The following TIMM23 variants were observed in gnomAD, a reference collection of about 807,000 sequenced individuals.
TIMM23 encodes translocase of inner mitochondrial membrane 23.
TIMM23 carries 19 observed loss-of-function variants against 30.7 expected under a neutral mutation model. The ratio of observed to expected loss-of-function variants is 0.62; its 90% confidence interval spans 0.43 to 0.91. The LOEUF (loss-of-function observed/expected upper bound fraction) is 0.91. Among genes scored for constraint, TIMM23 ranks in the 40% least tolerant of loss-of-function variants. TIMM23 has a pLI of 0.00. For synonymous variants in TIMM23, 78 were observed against 98.5 expected (o/e 0.79, Z 1.23); for missense variants, 202 against 269.2 (o/e 0.75, Z 1.75).
rs1170874233 is a variant in TIMM23 at position 45,972,534 on chromosome 10, C to T, written c.-91C>T. 241 of 1,495,732 alleles carry T rather than the reference C, an allele frequency of 1.6e-4. No individual in the cohort carries two copies. Among genetic ancestry groups the T allele is most frequent in the Middle Eastern group, 8.7e-4 (4 of 4,598 alleles). 92.7% of individuals were successfully genotyped at this position (1,495,732 alleles called of 1,614,324 possible). A position where few individuals can be genotyped will look rare whatever the true frequency, so the allele number is the denominator to read the frequency against. On this transcript the variant is annotated 5_prime_UTR_variant, in exon 1 of 7. Coordinates refer to ENST00000580018, the MANE Select transcript of TIMM23 (RefSeq NM_006327.4). The stretch of plus-strand genomic sequence containing the variant: ...GCGTGTGAAGTAGGCGCTGGCAACG[C>T]GGGGTTACCCGCTGTTATTGAGGAG...
At chr10:45,986,906 T>C (rs1344301825) in intron 5 of TIMM23, among the ~76,000 whole-genome samples, 1 of 152,192 alleles carries the variant, frequency 6.6e-6, no homozygotes, top group African/African-American at 2.4e-5. Flanking sequence ...TGAGACTTCC[T>C]AGCGGTACTT....
At position 46,003,431 on chromosome 10, in the gene TIMM23, G is replaced by T; in HGVS notation, c.*113G>T. Reference sequence around the variant, plus strand: ...CCTACAATTAGTTTGAAAAATTGGAGATTTTGATTTGCTGTGATGAAAATC... The same window carrying T: ...CCTACAATTAGTTTGAAAAATTGGATATTTTGATTTGCTGTGATGAAAATC... On this transcript the variant is annotated 3_prime_UTR_variant, in exon 7 of 7. Coordinates refer to ENST00000580018, the MANE Select transcript of TIMM23 (RefSeq NM_006327.4). 1 of 769,798 alleles carries T rather than the reference G, an allele frequency of 1.3e-6. No homozygotes were observed. The highest frequency in any genetic ancestry group is 2.8e-5 in the Admixed American group (1 of 36,092). 47.7% of individuals were successfully genotyped at this position (769,798 alleles called of 1,614,324 possible). A position where few individuals can be genotyped will look rare whatever the true frequency, so the allele number is the denominator to read the frequency against.
Position 45,988,632 on chromosome 10 carries a change from A to G in TIMM23, c.404-105A>G, listed in dbSNP as rs1305264158. 7 of 772,656 alleles carry G rather than the reference A, an allele frequency of 9.1e-6. No individual in the cohort carries two copies. The East Asian group carries it at 1.5e-4, about 17-fold the overall frequency. The allele number at this position is 772,656 out of a possible 1,614,324, so 47.9% of individuals were successfully genotyped here. On this transcript the variant is annotated intron_variant, in intron 5 of 6. Transcript: ENST00000580018. Reference sequence around the variant, plus strand: ...TTGTTTTAGTCACTTAGGAAGGGCTATGGGAGTTATGAGCTAGGAACCATG... The same window carrying G: ...TTGTTTTAGTCACTTAGGAAGGGCTGTGGGAGTTATGAGCTAGGAACCATG...
chr10:45,978,042 TAAAA>T (rs1181958137), intron 2 of TIMM23, among the ~76,000 whole-genome samples: 16 of 150,844 alleles, frequency 1.1e-4, no homozygotes, highest in African/African-American at 3.4e-4. Context: ...AAAAAAAAAA[TAAAA>T]AAATAAATAA....
chr10:46,003,303 C>T lies in TIMM23; in HGVS notation c.615C>T (p.Leu205=), dbSNP rs573930442. The change falls in exon 7 of 7, where the codon CTC becomes CTT. Residue 205 remains leucine (L), a synonymous_variant. Transcript: ENST00000580018. ...GGGAGCACATGAAAGGCTCCTTGCT[C>T]CAACAGTCACTCTGAAGATTTTGCC... ...NNWEHMKGSL[L]QQSL 20 of 1,613,730 alleles carry T rather than the reference C, an allele frequency of 1.2e-5. No individual in the cohort carries two copies. In the East Asian group the frequency reaches 4.5e-4, roughly 36 times the overall value.
chr10:46,002,691 T>G (rs1165635997), intron 6 of TIMM23, among the ~76,000 whole-genome samples: 1 of 152,078 alleles, frequency 6.6e-6, no homozygotes, highest in Admixed American at 6.6e-5. Context: ...GGAAAAAAAT[T>G]ATGAATATGA....
At position 46,003,341 on chromosome 10, in the gene TIMM23, G is replaced by A; in HGVS notation, c.*23G>A. The A allele has an allele frequency of 6.6e-7, 1 of 1,525,750 alleles. No individual in the cohort carries two copies. The allele number at this position is 1,525,750 out of a possible 1,614,324, so 94.5% of individuals were successfully genotyped here. ...TGAAGATTTTGCCAACTCATGAATG[G>A]AGGACACTTCAGTAGTCATCTAGAT... On this transcript the variant is annotated 3_prime_UTR_variant, in exon 7 of 7. Coordinates refer to ENST00000580018, the MANE Select transcript of TIMM23 (RefSeq NM_006327.4).
At chr10:45,985,303 A>C in intron 4 of TIMM23, 80 bp from the exon 5 acceptor site, 2 of 1,575,766 alleles carry the variant, frequency 1.3e-6, no homozygotes, top group Non-Finnish European at 1.7e-6. Flanking sequence ...TAGACATGTT[A>C]AATAGCCATT....
At chr10:45,994,312 C>G (rs1224748276) in intron 6 of TIMM23, among the ~76,000 whole-genome samples, 1 of 151,768 alleles carries the variant, frequency 6.6e-6, no homozygotes, top group East Asian at 1.9e-4. Flanking sequence ...GCACTCCAGC[C>G]TGGGCAGCTG....
At chr10:45,979,730 G>A (rs75016787) in intron 2 of TIMM23, among the ~76,000 whole-genome samples, 1 of 148,660 alleles carries the variant, frequency 6.7e-6, no homozygotes, top group South Asian at 2.1e-4. Flanking sequence ...TCAAATTGAA[G>A]CAAGTTGATG....
chr10:45,983,839 G>A (rs1837920879), intron 4 of TIMM23, among the ~76,000 whole-genome samples: 1 of 152,152 alleles, frequency 6.6e-6, no homozygotes, highest in African/African-American at 2.4e-5. Context: ...GACCTCCTGG[G>A]CTCAAGTGAT....
Position 46,003,371 on chromosome 10 carries a change from T to C in TIMM23, c.*53T>C. 1 of 1,249,678 alleles carries C rather than the reference T, an allele frequency of 8.0e-7. No individual in the cohort carries two copies. The highest frequency in any genetic ancestry group is 1.2e-5 in the South Asian group (1 of 80,026). 77.4% of individuals were successfully genotyped at this position (1,249,678 alleles called of 1,614,324 possible). ...CACTTCAGTAGTCATCTAGATCCTT[T>C]TATAAGACAGTTTGGAGTTATTCTC... is the stretch of plus-strand genomic sequence containing the variant. On this transcript the variant is annotated 3_prime_UTR_variant, in exon 7 of 7. Transcript: ENST00000580018.
intron 6 of TIMM23, among the ~76,000 whole-genome samples, chr10:45,996,252 C>T (rs1838328205): frequency 7.0e-6 from 1 of 143,766 alleles, no homozygotes; most frequent in Non-Finnish European, 1.5e-5. Flanking sequence ...GTCCCAGCTA[C>T]TAGGGAGGCT....
At chr10:45,973,249 A>G (rs1320152873) in intron 1 of TIMM23, among the ~76,000 whole-genome samples, 2 of 152,216 alleles carry the variant, frequency 1.3e-5, no homozygotes, top group African/African-American at 2.4e-5. Flanking sequence ...TTTAAAGGTG[A>G]TATATAGACA....
In TIMM23 at chr10:45,977,216, T is replaced by C. The variant is rs1554913259; in HGVS notation, c.165+1704T>C. Among the ~76,000 whole-genome samples the C allele has an allele frequency of 1.9e-3, 288 of 149,176 alleles. 2 individuals are homozygous for C. The highest frequency in any genetic ancestry group is 0.019 in the East Asian group (96 of 5,126). The stretch of plus-strand genomic sequence containing the variant: ...CCTGTCAAAATCCCAGCTGGCTTTT[T>C]TGCAGAAATTGACAAGCTTTTATCC... On this transcript the variant is annotated intron_variant, in intron 2 of 6. Coordinates refer to ENST00000580018, the MANE Select transcript of TIMM23 (RefSeq NM_006327.4).
At chr10:45,998,152 A>G (rs906433719) in intron 6 of TIMM23, among the ~76,000 whole-genome samples, 1 of 152,230 alleles carries the variant, frequency 6.6e-6, no homozygotes, top group South Asian at 2.1e-4. Context: ...AAGTACCTAC[A>G]TAACAATAGC....
At chr10:45,975,841 C>T (rs1363805619) in intron 2 of TIMM23, among the ~76,000 whole-genome samples, 24 of 151,966 alleles carry the variant, frequency 1.6e-4, no homozygotes, top group Non-Finnish European at 2.8e-4. Flanking sequence ...TGCTTTTGTC[C>T]TCCAGGCTGG....
chr10:45,992,358 G>A (rs1838190671), intron 6 of TIMM23: 1 of 453,996 alleles, frequency 2.2e-6, no homozygotes, highest in Non-Finnish European at 4.4e-6. Flanking sequence ...CTTTTCTGTG[G>A]GTGGGAGGAA....
intron 6 of TIMM23, among the ~76,000 whole-genome samples, chr10:45,993,413 T>C (rs1321884632): frequency 1.9e-4 from 29 of 151,996 alleles, no homozygotes; most frequent in Admixed American, 5.9e-4. Flanking sequence ...CCACGATGCC[T>C]GGCTAATTTT....
Sources: allele counts gnomAD v4.1 joint callset (sites outside exome capture counted in the v4.1 genomes callset), GRCh38; gene constraint gnomAD v4.1.1; transcripts MANE v1.5; gene names NCBI Gene and HGNC (gene_info 2026-07-23, HGNC 2026-07-21).